Variants in PEX14 observed in about 807,000 individuals in gnomAD.
The protein encoded by PEX14 is peroxisomal membrane protein PEX14.
Under a neutral mutation model 49.5 loss-of-function variants are expected in PEX14, and 15 were observed. The ratio of observed to expected loss-of-function variants is 0.30; its 90% CI spans 0.20 to 0.47. The LOEUF (loss-of-function observed/expected upper bound fraction) is 0.47. PEX14 is among the 20% of genes least tolerant of loss of function. The probability of loss-of-function intolerance (pLI) is 1.00; values close to 1 mark genes in which losing one functional copy is unlikely to be tolerated. For missense variants in PEX14, 398 were observed against 494.8 expected (o/e 0.80, Z 1.86); for synonymous variants, 210 against 212.7 (o/e 0.99, Z 0.11).
intron 1 of PEX14, among the ~76,000 whole-genome samples, chr1:10,490,688 T>A (rs1357472711): frequency 6.6e-6 from 1 of 150,442 alleles, no homozygotes; most frequent in African/African-American, 2.4e-5. Context: ...TGCCTGTGGG[T>A]GGTTTCTAAG....
intron 3 of PEX14, among the ~76,000 whole-genome samples, chr1:10,547,912 G>A (rs1302915908): frequency 6.6e-6 from 1 of 152,148 alleles, no homozygotes; most frequent in Non-Finnish European, 1.5e-5. Flanking sequence ...TGGCTTTCGA[G>A]ATGATTTTAA....
At chr1:10,475,173 C>T (rs1326091371) in intron 1 of PEX14, among the ~76,000 whole-genome samples, 171 bp downstream of exon 1, 2 of 151,954 alleles carry the variant, frequency 1.3e-5, no homozygotes, top group Non-Finnish European at 2.9e-5. Flanking sequence ...CCGGCCCCTC[C>T]CCCCGGTGAC....
Position 10,629,483 on chromosome 1 carries a change from G to A in PEX14, c.678-48G>A. 1 of 1,354,942 alleles carries A rather than the reference G, an allele frequency of 7.4e-7. No homozygotes were observed. 83.9% of individuals were successfully genotyped at this position (1,354,942 alleles called of 1,614,324 possible). On this transcript the variant is annotated intron_variant, in intron 8 of 8. Transcript: ENST00000356607. The surrounding 1 kb of genome is among the most constrained non-coding windows in gnomAD (Gnocchi z 8.5). ...GGGAAGGCGTGGCCCTTCGAAGGGG[G>A]GCGTCCTGAATGCCGCCACCAACCT...
rs914395955 is a variant in PEX14, at chr1:10,627,493, C to CT, written c.677+131dup. The CT allele has an allele frequency of 9.8e-6, 7 of 711,802 alleles. No homozygotes were observed. In the African/African-American group the frequency reaches 1.2e-4, roughly 12 times the overall value. 44.1% of individuals were successfully genotyped at this position (711,802 alleles called of 1,614,324 possible). On this transcript the variant is annotated intron_variant, in intron 8 of 8. Transcript: ENST00000356607. ...CCCATCTGTCTGGGCGACTCAGGCA[C>CT]TGAGTCTGGGGCCTTTTGAGCTTCT...
intron 3 of PEX14, among the ~76,000 whole-genome samples, chr1:10,557,359 G>A (rs1639517295): frequency 6.6e-6 from 1 of 152,190 alleles, no homozygotes. Context: ...GCCGAGGTGG[G>A]CGGATCACTT....
At chr1:10,571,702 G>A (rs888414625) in intron 3 of PEX14, among the ~76,000 whole-genome samples, 6 of 151,932 alleles carry the variant, frequency 3.9e-5, no homozygotes, top group Non-Finnish European at 8.8e-5. Flanking sequence ...CCAGCTACTC[G>A]AGAGGCTGAG....
intron 3 of PEX14, among the ~76,000 whole-genome samples, chr1:10,543,076 C>T (rs1383726028): frequency 6.6e-6 from 1 of 152,206 alleles, no homozygotes. Flanking sequence ...TTGCGGTTAA[C>T]ACTTAGCACA....
At chr1:10,498,665 C>T (rs1467009810) in intron 2 of PEX14, among the ~76,000 whole-genome samples, 2 of 152,204 alleles carry the variant, frequency 1.3e-5, no homozygotes, top group Non-Finnish European at 2.9e-5. Context: ...CATTGACCGT[C>T]TCAGAGGAGT....
intron 2 of PEX14, among the ~76,000 whole-genome samples, chr1:10,532,056 T>G (rs544438881): frequency 6.6e-6 from 1 of 152,210 alleles, no homozygotes; most frequent in Non-Finnish European, 1.5e-5. Context: ...AGATAACCCC[T>G]GAGTATACTG....
intron 2 of PEX14, among the ~76,000 whole-genome samples, chr1:10,513,269 T>A (rs934400580): frequency 1.3e-5 from 2 of 152,188 alleles, no homozygotes; most frequent in African/African-American, 4.8e-5. Context: ...GTTGTCTGAT[T>A]CTAACATAGC....
intron 4 of PEX14, among the ~76,000 whole-genome samples, chr1:10,602,611 G>A (rs796292338): frequency 1.3e-5 from 2 of 152,286 alleles, no homozygotes; most frequent in African/African-American, 4.8e-5. Flanking sequence ...GCTCCAAAAT[G>A]AACCCCAGTA....
Position 10,554,192 on chromosome 1 carries a change from T to G in PEX14, c.169+17895T>G, listed in dbSNP as rs181744550. Among the ~76,000 whole-genome samples the G allele has an allele frequency of 6.2e-3, 911 of 146,090 alleles. 6 individuals carry two copies. Among genetic ancestry groups the G allele is most frequent in the Middle Eastern group, 0.015 (4 of 266 alleles). The stretch of plus-strand genomic sequence containing the variant: ...GGTGGTGGGCACCTGCAGTCCCAGC[T>G]ACTTGGGAGGCTGAGGCAGGAGGAT... On this transcript the variant is annotated intron_variant, in intron 3 of 8. Transcript: ENST00000356607.
chr1:10,609,809 C>T (rs1004165673), intron 4 of PEX14, among the ~76,000 whole-genome samples: 16 of 151,992 alleles, frequency 1.1e-4, no homozygotes, highest in African/African-American at 1.7e-4. Context: ...CCCATGAACC[C>T]GGGAGGCGGA....
chr1:10,607,937 C>T (rs866660037), intron 4 of PEX14, among the ~76,000 whole-genome samples: 12 of 152,100 alleles, frequency 7.9e-5, no homozygotes, highest in African/African-American at 2.9e-4. Flanking sequence ...CTAAAGAAGA[C>T]TTTGTCTATT....
At chr1:10,517,317 C>T (rs1000467701) in intron 2 of PEX14, among the ~76,000 whole-genome samples, 4 of 152,136 alleles carry the variant, frequency 2.6e-5, no homozygotes, top group African/African-American at 9.7e-5. Context: ...GGGGCAACTC[C>T]CTCTCCTATT....
chr1:10,570,481 C>T (rs6702343), intron 3 of PEX14, among the ~76,000 whole-genome samples: 16,299 of 152,034 alleles, frequency 0.11, 955 homozygotes, highest in Non-Finnish European at 0.12. Flanking sequence ...TACAGGTGCA[C>T]GCCAACACGC....
intron 3 of PEX14, among the ~76,000 whole-genome samples, chr1:10,565,730 G>A (rs941526866): frequency 3.3e-5 from 5 of 152,172 alleles, no homozygotes; most frequent in Admixed American, 2.0e-4. Flanking sequence ...TTTAAAAATT[G>A]TAACTGAGTG....
intron 7 of PEX14, 34 bp from the exon 8 acceptor site, chr1:10,627,238 G>A (rs372470499): frequency 1.4e-4 from 212 of 1,515,854 alleles, no homozygotes; most frequent in Middle Eastern, 2.0e-4. Context: ...GCCGCAAGGC[G>A]CCCGCCCTGA....
At chr1:10,483,115 G>T (rs1382518781) in intron 1 of PEX14, among the ~76,000 whole-genome samples, 1 of 152,196 alleles carries the variant, frequency 6.6e-6, no homozygotes, top group Non-Finnish European at 1.5e-5. Context: ...CCATCATAAA[G>T]TTAACTTGCT....
Sources: allele counts gnomAD v4.1 joint callset (sites outside exome capture counted in the v4.1 genomes callset), GRCh38; gene constraint gnomAD v4.1.1; non-coding constraint Gnocchi (gnomAD v3.1); transcripts MANE v1.5; gene names NCBI Gene and HGNC (gene_info 2026-07-23, HGNC 2026-07-21).